The following NUP214 variants were observed in gnomAD, a reference collection of about 807,000 sequenced individuals.
NUP214 encodes the protein nucleoporin 214.
A neutral mutation model predicts 196.2 loss-of-function variants in NUP214; 79 were observed. The ratio of observed to expected loss-of-function variants is 0.40; its 90% CI spans 0.34 to 0.49. The LOEUF (loss-of-function observed/expected upper bound fraction) is 0.49. Ranked by LOEUF, NUP214 falls within the 20% of genes least tolerant of loss-of-function variation. NUP214 has a pLI of 0.58. For missense variants in NUP214, 2,468 were observed against 2,539.0 expected (o/e 0.97, Z 0.60); for synonymous variants, 1,020 against 990.5 (o/e 1.03, Z -0.56).
Position 131,163,140 on chromosome 9 carries a change from C to G in NUP214, c.2690C>G (p.Ser897Cys), listed in dbSNP as rs1832691372. The G allele has an allele frequency of 6.2e-7, 1 of 1,613,640 alleles. No individual in the cohort carries two copies. The highest frequency in any genetic ancestry group is 1.3e-5 in the African/African-American group (1 of 74,898). ...AAACAGACTTCCCTGTGGAGCCTGTCCTCGGCTGTTCCTTCCCAGAGCAGC... is the reference window on the plus strand; with the variant it reads ...AAACAGACTTCCCTGTGGAGCCTGTGCTCGGCTGTTCCTTCCCAGAGCAGC... ...LYKQTSLWSL[S>C]SAVPSQSSIH... The change falls in exon 19 of 36, where the codon TCC becomes TGC. Residue 897 changes from serine (S) to cysteine (C), a missense_variant. Ser to Cys is a moderately radical substitution (Grantham distance 112, BLOSUM62 -1). Transcript: ENST00000359428.
At chr9:131,130,647 A>G (rs1349430131) in intron 4 of NUP214, 119 bp from the exon 5 acceptor site, 1 of 911,308 alleles carries the variant, frequency 1.1e-6, no homozygotes, top group African/African-American at 1.6e-5. Context: ...GATAGAGATG[A>G]TCCTACAATC....
At chr9:131,216,558 A>T (rs1468811772) in intron 31 of NUP214, among the ~76,000 whole-genome samples, 1 of 113,420 alleles carries the variant, frequency 8.8e-6, no homozygotes, top group African/African-American at 3.5e-5. Context: ...TTTGAAACGG[A>T]GTGTTGCTCT....
chr9:131,221,349 G>A (rs888353142), intron 31 of NUP214, among the ~76,000 whole-genome samples: 1 of 152,220 alleles, frequency 6.6e-6, no homozygotes, highest in African/African-American at 2.4e-5. Flanking sequence ...CAGTGACCAT[G>A]ATGTGATGGG....
At chr9:131,212,235 T>C (rs914454560) in intron 30 of NUP214, among the ~76,000 whole-genome samples, 41 of 152,184 alleles carry the variant, frequency 2.7e-4, no homozygotes, top group African/African-American at 9.9e-4. Flanking sequence ...TGTCTCCTGA[T>C]AAGATGTTAT....
intron 34 of NUP214, among the ~76,000 whole-genome samples, chr9:131,231,868 C>G (rs1834887577): frequency 6.7e-6 from 1 of 149,922 alleles, no homozygotes; most frequent in African/African-American, 2.5e-5. Flanking sequence ...CTTCTCTGGC[C>G]CCCAAAAAGA....
rs1259085911 is a variant in NUP214 at position 131,125,783 on chromosome 9, T to C, written c.45+34T>C. ...CTAACCGGGGCCTCCCTCCCTTCTTTAGTCCTGGCGTTGCCTTGGAGCCCA... is the reference window on the plus strand; with the variant it reads ...CTAACCGGGGCCTCCCTCCCTTCTTCAGTCCTGGCGTTGCCTTGGAGCCCA... On this transcript the variant is annotated intron_variant, in intron 1 of 35. Coordinates refer to ENST00000359428, the MANE Select transcript of NUP214 (RefSeq NM_005085.4). The surrounding 1 kb of genome is among the most constrained non-coding windows in gnomAD (Gnocchi z 4.1). The C allele has an allele frequency of 1.3e-6, 2 of 1,549,822 alleles. No individual in the cohort carries two copies. The highest frequency in any genetic ancestry group is 4.9e-5 in the East Asian group (2 of 40,724).
At chr9:131,186,963 ACAGGGGGAAGGGC>A (rs1833464604) in intron 24 of NUP214, among the ~76,000 whole-genome samples, 1 of 152,332 alleles carries the variant, frequency 6.6e-6, no homozygotes, top group South Asian at 2.1e-4. Context: ...GTGGTCTACA[ACAGGGGGAAGGGC>A]CAGGGAGGAG....
chr9:131,203,372 C>G (rs945515006), intron 30 of NUP214, among the ~76,000 whole-genome samples: 1 of 152,178 alleles, frequency 6.6e-6, no homozygotes, highest in African/African-American at 2.4e-5. Context: ...TTGACTGTTA[C>G]ATCAGACACC....
chr9:131,163,689 TA>T (rs886558026), intron 19 of NUP214, among the ~76,000 whole-genome samples, 180 bp from the exon 20 acceptor site: 1 of 152,226 alleles, frequency 6.6e-6, no homozygotes, highest in Non-Finnish European at 1.5e-5. Flanking sequence ...GTGGAGATGG[TA>T]TATAATATGA....
chr9:131,187,383 C>CGTT lies in NUP214; in HGVS notation c.3495+19_3495+20insGTT. 1 of 1,056,480 alleles carries CGTT rather than the reference C, an allele frequency of 9.5e-7. No individual in the cohort carries two copies. The allele number at this position is 1,056,480 out of a possible 1,614,324, so 65.4% of individuals were successfully genotyped here. A position where few individuals can be genotyped will look rare whatever the true frequency, so the allele number is the denominator to read the frequency against. On this transcript the variant is annotated intron_variant, in intron 25 of 35. Coordinates refer to ENST00000359428, the MANE Select transcript of NUP214 (RefSeq NM_005085.4). ...CAAGCAGGTAACTTACTGATTTTTA[C>CGTT]TTTTTTTTTTTTTTTTTTTTTGAGA...
chr9:131,220,271 C>A (rs905274789), intron 31 of NUP214, among the ~76,000 whole-genome samples: 2 of 152,080 alleles, frequency 1.3e-5, no homozygotes, highest in African/African-American at 4.8e-5. Context: ...AATATGGTAA[C>A]ATATTTTCAA....
In NUP214 at chr9:131,198,055, C is replaced by G; in HGVS notation, c.4561C>G (p.Gln1521Glu). Residue 1521 changes from glutamine (Q) to glutamate (E), a missense_variant, in exon 29 of 36, where the codon CAA becomes GAA. Physicochemically the swap from Gln to Glu is conservative, Grantham distance 29. Around this residue, in one of 5 missense-constraint regions of NUP214, gnomAD observed 1,801 missense variants for 1,779.4 expected, o/e 1.01. Coordinates refer to ENST00000359428, the MANE Select transcript of NUP214 (RefSeq NM_005085.4). ...SASAASLLEE[Q>E]QSAQLPQAPP... is the part of the protein sequence containing the mutation. ...ATCAGCAGCCTCACTTCTAGAGGAG[C>G]AACAGTCAGCCCAGCTTCCCCAGGC... is the stretch of plus-strand genomic sequence containing the variant. 1 of 1,614,240 alleles carries G rather than the reference C, an allele frequency of 6.2e-7. No homozygotes were observed. Among genetic ancestry groups the G allele is most frequent in the Non-Finnish European group, 8.5e-7 (1 of 1,180,028 alleles).
intron 3 of NUP214, among the ~76,000 whole-genome samples, 163 bp from the exon 4 acceptor site, chr9:131,129,116 A>G (rs1216281121): frequency 3.9e-5 from 6 of 152,250 alleles, no homozygotes; most frequent in Non-Finnish European, 4.4e-5. Flanking sequence ...GAAATTGTCT[A>G]TAGCAAATAG....
intron 7 of NUP214, 78 bp from the exon 8 acceptor site, chr9:131,134,820 A>G: frequency 2.3e-6 from 2 of 852,126 alleles, no homozygotes; most frequent in South Asian, 2.9e-5. Flanking sequence ...TAAATGATTT[A>G]TTATTTGAGA....
At chr9:131,139,439 A>G in intron 10 of NUP214, 32 bp downstream of exon 10, 1 of 1,597,372 alleles carries the variant, frequency 6.3e-7, no homozygotes, top group Non-Finnish European at 8.5e-7. Flanking sequence ...GTGCAGAAAT[A>G]GTCTTCTTTC....
chr9:131,182,786 G>A (rs1004650469), intron 24 of NUP214, among the ~76,000 whole-genome samples: 16 of 152,048 alleles, frequency 1.1e-4, no homozygotes, highest in Non-Finnish European at 2.1e-4. Context: ...TCTGTTTGTT[G>A]TTCAGTTTTT....
In NUP214 at chr9:131,198,779, C is replaced by G. The variant is rs772115139; in HGVS notation, c.5285C>G (p.Ser1762Cys). 1.2e-6 allele frequency: 2 copies of G among 1,614,146 alleles called. No homozygotes were observed. The highest frequency in any genetic ancestry group is 2.7e-5 in the African/African-American group (2 of 74,944). ...CCTGCCTTCGGTCAGCCTGCTTCCT[C>G]CACTCCCACATCCACCAGTGGAAGT... ...SVPAFGQPAS[S>C]TPTSTSGSVF... Residue 1762 changes from serine (S) to cysteine (C), a missense_variant, in exon 29 of 36, where the codon TCC becomes TGC. Physicochemically the swap from Ser to Cys is moderately radical, Grantham distance 112 (BLOSUM62 -1). This residue lies in a region of NUP214 where 1,801 missense variants were observed against 1,779.4 expected (regional missense o/e 1.01). Coordinates refer to ENST00000359428, the MANE Select transcript of NUP214 (RefSeq NM_005085.4).
At chr9:131,188,348 G>A (rs537520342) in intron 25 of NUP214, among the ~76,000 whole-genome samples, 93 of 152,276 alleles carry the variant, frequency 6.1e-4, no homozygotes, top group South Asian at 4.8e-3. Flanking sequence ...AAGTGATAGG[G>A]GATGGTTGGA....
At chr9:131,219,246 A>G (rs569020127) in intron 31 of NUP214, among the ~76,000 whole-genome samples, 73 of 152,366 alleles carry the variant, frequency 4.8e-4, no homozygotes, top group Non-Finnish European at 8.7e-4. Flanking sequence ...GAAGTTGCAC[A>G]GCTACTAAGT....
Sources: gnomAD v4.1 joint callset for allele counts (sites outside exome capture counted in the v4.1 genomes callset) on GRCh38, gnomAD v4.1.1 for gene constraint, gnomAD v4.1.1 regional missense constraint, Gnocchi (gnomAD v3.1) non-coding constraint, MANE v1.5 for transcripts, NCBI Gene and HGNC (gene_info 2026-07-23, HGNC 2026-07-21) for gene names.